The following SMYD3 variants were observed in gnomAD, a reference collection of about 807,000 sequenced individuals.
SMYD3 encodes the protein SET and MYND domain containing 3.
SMYD3 carries 36 observed loss-of-function variants against 57.7 expected under a neutral mutation model. The observed-to-expected ratio is 0.62, with a 90% CI of 0.48 to 0.82. The LOEUF (loss-of-function observed/expected upper bound fraction) is 0.82. Among genes scored for constraint, SMYD3 ranks in the 40% least tolerant of loss-of-function variants. The pLI is 0.00. For missense variants in SMYD3, 515 were observed against 538.8 expected (o/e 0.96, Z 0.44); for synonymous variants, 211 against 195.0 (o/e 1.08, Z -0.68).
intron 1 of SMYD3, among the ~76,000 whole-genome samples, chr1:246,479,846 AT>A (rs2068079560): frequency 6.6e-6 from 1 of 152,140 alleles, no homozygotes; most frequent in Non-Finnish European, 1.5e-5. Flanking sequence ...TCTCTGCTGT[AT>A]CTTCAGTACC....
intron 5 of SMYD3, among the ~76,000 whole-genome samples, chr1:246,325,304 G>T (rs1455408860): frequency 1.6e-4 from 21 of 128,124 alleles, no homozygotes; most frequent in African/African-American, 6.0e-4. Context: ...GAGTTGGGGG[G>T]GCGGGAAGGA....
intron 8 of SMYD3, among the ~76,000 whole-genome samples, chr1:245,891,724 G>A (rs530661674): frequency 4.6e-4 from 50 of 108,954 alleles, no homozygotes; most frequent in Middle Eastern, 8.7e-3. Flanking sequence ...GTGCAGGGGA[G>A]CAAGCCAGGA....
At chr1:246,309,909 C>T (rs1461311732) in intron 5 of SMYD3, among the ~76,000 whole-genome samples, 1 of 152,182 alleles carries the variant, frequency 6.6e-6, no homozygotes, top group African/African-American at 2.4e-5. Flanking sequence ...ATGAGCTTTA[C>T]TTTATGGAAT....
At chr1:246,496,706 T>G (rs957700957) in intron 1 of SMYD3, among the ~76,000 whole-genome samples, 13 of 152,074 alleles carry the variant, frequency 8.5e-5, no homozygotes, top group Admixed American at 3.3e-4. Context: ...TGCATGCCTG[T>G]GGTCCCAGCT....
At chr1:246,191,123 C>T (rs2062731697) in intron 5 of SMYD3, among the ~76,000 whole-genome samples, 2 of 152,232 alleles carry the variant, frequency 1.3e-5, no homozygotes, top group Admixed American at 1.3e-4. Flanking sequence ...GCCTTACACG[C>T]AGGAGTTTCA....
At chr1:246,065,833 GAAAGGCA>G (rs1474606977) in intron 5 of SMYD3, among the ~76,000 whole-genome samples, 1 of 152,106 alleles carries the variant, frequency 6.6e-6, no homozygotes, top group Non-Finnish European at 1.5e-5. Flanking sequence ...TTCCACCTAA[GAAAGGCA>G]AAGTCCTTGC....
chr1:245,775,621 C>T (rs1049838780), intron 10 of SMYD3, among the ~76,000 whole-genome samples: 1 of 151,208 alleles, frequency 6.6e-6, no homozygotes, highest in Non-Finnish European at 1.5e-5. Flanking sequence ...GACCTTTGTT[C>T]ACCTGTTTAT....
intron 10 of SMYD3, among the ~76,000 whole-genome samples, chr1:245,794,013 C>T (rs146950490): frequency 1.3e-5 from 2 of 152,196 alleles, no homozygotes; most frequent in East Asian, 3.9e-4. Flanking sequence ...AAACAAAAAA[C>T]CTGTCTCTTA....
Position 246,170,411 on chromosome 1 carries a change from CT to C in SMYD3, c.531+156789del, listed in dbSNP as rs34758534. Among the ~76,000 whole-genome samples the C allele has an allele frequency of 6.7e-3, 951 of 141,206 alleles. 8 individuals carry two copies. The highest frequency in any genetic ancestry group is 0.018 in the African/African-American group (693 of 38,526). 92.6% of individuals were successfully genotyped at this position (141,206 alleles called of 152,430 possible). On this transcript the variant is annotated intron_variant, in intron 5 of 11. Coordinates refer to ENST00000490107, the MANE Select transcript of SMYD3 (RefSeq NM_001167740.2). ...CATTTAACCACTCCCACACTCATTACTTTTTTTTTTTTTTGCTATTAAAAAA... is the reference window on the plus strand; with the variant it reads ...CATTTAACCACTCCCACACTCATTACTTTTTTTTTTTTTGCTATTAAAAAA...
At chr1:246,411,925 T>C (rs1165038856) in intron 1 of SMYD3, among the ~76,000 whole-genome samples, 1 of 148,676 alleles carries the variant, frequency 6.7e-6, no homozygotes, top group African/African-American at 2.5e-5. Flanking sequence ...TGTATACATA[T>C]GTAACAAACC....
intron 8 of SMYD3, among the ~76,000 whole-genome samples, chr1:245,898,611 A>G (rs2053982145): frequency 6.6e-6 from 1 of 152,242 alleles, no homozygotes; most frequent in African/African-American, 2.4e-5. Context: ...GATGAAAAGA[A>G]AGAAATTGAG....
At chr1:245,793,300 C>CA (rs35711386) in intron 10 of SMYD3, among the ~76,000 whole-genome samples, 3,372 of 137,474 alleles carry the variant, frequency 0.025, 93 homozygotes, top group Admixed American at 0.085. Flanking sequence ...GACTCCGTCC[C>CA]AAAAAAAAAA....
chr1:246,180,769 A>C (rs2062535079), intron 5 of SMYD3, among the ~76,000 whole-genome samples: 1 of 12,258 alleles, frequency 8.2e-5, no homozygotes, highest in African/African-American at 2.3e-4. Flanking sequence ...CAAAAAAAAA[A>C]AAAAAAAAAA....
At chr1:246,470,191 A>G (rs1054141081) in intron 1 of SMYD3, among the ~76,000 whole-genome samples, 2 of 152,286 alleles carry the variant, frequency 1.3e-5, no homozygotes, top group African/African-American at 4.8e-5. Flanking sequence ...TGACAACTAC[A>G]TGTATTAATA....
intron 5 of SMYD3, among the ~76,000 whole-genome samples, chr1:246,132,894 T>C (rs1437303794): frequency 1.3e-5 from 2 of 152,132 alleles, no homozygotes; most frequent in Non-Finnish European, 2.9e-5. Flanking sequence ...TTCACCATCA[T>C]TAGTCATTAG....
chr1:245,834,606 G>A (rs2050012262), intron 10 of SMYD3, among the ~76,000 whole-genome samples: 1 of 152,160 alleles, frequency 6.6e-6, no homozygotes, highest in African/African-American at 2.4e-5. Context: ...GAAAATTTAG[G>A]AAGCAAATTA....
chr1:246,213,043 C>T (rs1430553875), intron 5 of SMYD3, among the ~76,000 whole-genome samples: 1 of 152,132 alleles, frequency 6.6e-6, no homozygotes, highest in Admixed American at 6.5e-5. Flanking sequence ...ACACTGTCTA[C>T]AACTGCTAAC....
At chr1:246,229,745 G>C (rs2063383387) in intron 5 of SMYD3, among the ~76,000 whole-genome samples, 1 of 152,164 alleles carries the variant, frequency 6.6e-6, no homozygotes, top group African/African-American at 2.4e-5. Context: ...CATGAGGGTG[G>C]AACTCTCATA....
intron 1 of SMYD3, among the ~76,000 whole-genome samples, chr1:246,392,940 C>T (rs916293015): frequency 1.3e-5 from 2 of 151,836 alleles, no homozygotes; most frequent in African/African-American, 4.8e-5. Context: ...CAAAGACAGG[C>T]GACTTCAAAC....
Sources: gnomAD v4.1 joint callset for allele counts (sites outside exome capture counted in the v4.1 genomes callset) on GRCh38, gnomAD v4.1.1 for gene constraint, MANE v1.5 for transcripts, NCBI Gene and HGNC (gene_info 2026-07-23, HGNC 2026-07-21) for gene names.